Variants in ANKRD30BL observed in about 807,000 individuals in gnomAD.
The protein encoded by ANKRD30BL is putative ankyrin repeat domain-containing protein 30B-like.
A neutral mutation model predicts 18.4 loss-of-function variants in ANKRD30BL; 20 were observed. That is an observed-to-expected ratio of 1.09 (90% confidence interval 0.77 to 1.58). ANKRD30BL has a LOEUF of 1.58. Ranked by LOEUF, ANKRD30BL falls within the 40% of genes most tolerant of loss-of-function variation. The pLI is 0.00. For synonymous variants in ANKRD30BL, 72 were observed against 100.9 expected (o/e 0.71, Z 1.72); for missense variants, 224 against 268.6 (o/e 0.83, Z 1.16).
chr2:132,248,381 A>G (rs1210678497), intron 1 of ANKRD30BL, among the ~76,000 whole-genome samples: 1 of 152,108 alleles, frequency 6.6e-6, no homozygotes, highest in Non-Finnish European at 1.5e-5. Flanking sequence ...ACTCTGTGAG[A>G]TGAATGCAAA....
At chr2:132,232,472 A>G (rs539925644) in intron 1 of ANKRD30BL, among the ~76,000 whole-genome samples, 1 of 152,270 alleles carries the variant, frequency 6.6e-6, no homozygotes, top group South Asian at 2.1e-4. Context: ...AGAATAACCA[A>G]TAGAGAGAAG....
chr2:132,221,614 C>T (rs1349077206), intron 1 of ANKRD30BL, among the ~76,000 whole-genome samples: 10 of 124,788 alleles, frequency 8.0e-5, no homozygotes, highest in South Asian at 2.5e-4. Context: ...GCCCCCCGCC[C>T]GGCCAGCCGC....
intron 1 of ANKRD30BL, among the ~76,000 whole-genome samples, chr2:132,236,152 C>T (rs973513124): frequency 6.6e-5 from 10 of 152,074 alleles, no homozygotes; most frequent in Non-Finnish European, 1.0e-4. Context: ...AAAGCTGAAA[C>T]TGGATCCCTT....
intron 1 of ANKRD30BL, among the ~76,000 whole-genome samples, chr2:132,219,610 G>A (rs1679612899): frequency 6.6e-6 from 1 of 152,048 alleles, no homozygotes; most frequent in Non-Finnish European, 1.5e-5. Flanking sequence ...ATCTTCAAGT[G>A]GAAATTTGGA....
At chr2:132,256,377 G>C (rs185745619) in intron 1 of ANKRD30BL, among the ~76,000 whole-genome samples, 1 of 151,964 alleles carries the variant, frequency 6.6e-6, no homozygotes, top group Non-Finnish European at 1.5e-5. Context: ...ACCCCCCGAC[G>C]GGCTCACCAC....
chr2:132,254,040 C>T (rs987255002), intron 1 of ANKRD30BL, among the ~76,000 whole-genome samples: 6 of 151,844 alleles, frequency 4.0e-5, no homozygotes, highest in Non-Finnish European at 5.9e-5. Flanking sequence ...CCCACCCCAC[C>T]GTGACGCCGA....
chr2:132,152,303 T>C (rs1421419864), intron 4 of ANKRD30BL: 1 of 152,210 alleles, frequency 6.6e-6, no homozygotes, highest in Admixed American at 6.5e-5. Flanking sequence ...ATGCTGATCT[T>C]CTCAACGTTG....
chr2:132,192,939 G>A (rs1468775651), intron 1 of ANKRD30BL, among the ~76,000 whole-genome samples: 1 of 152,202 alleles, frequency 6.6e-6, no homozygotes, highest in Non-Finnish European at 1.5e-5. Flanking sequence ...GTAGTCAGTG[G>A]GTGAATCATC....
intron 1 of ANKRD30BL, among the ~76,000 whole-genome samples, chr2:132,226,863 T>C (rs1679860876): frequency 6.6e-6 from 1 of 152,112 alleles, no homozygotes; most frequent in African/African-American, 2.4e-5. Flanking sequence ...AAAGGAAATA[T>C]CTTCACATAA....
chr2:132,208,946 T>TTG (rs1429806802), intron 1 of ANKRD30BL, among the ~76,000 whole-genome samples: 1 of 152,066 alleles, frequency 6.6e-6, no homozygotes, highest in African/African-American at 2.4e-5. Flanking sequence ...AATACTCTTT[T>TTG]TGTAGTGTCT....
At chr2:132,207,285 A>G (rs1005763096) in intron 1 of ANKRD30BL, among the ~76,000 whole-genome samples, 1 of 151,634 alleles carries the variant, frequency 6.6e-6, no homozygotes, top group African/African-American at 2.4e-5. Flanking sequence ...AATCAATACC[A>G]ATCAGGAGAT....
intron 1 of ANKRD30BL, among the ~76,000 whole-genome samples, chr2:132,204,993 TA>T (rs1377671554): frequency 6.6e-6 from 1 of 152,058 alleles, no homozygotes; most frequent in Non-Finnish European, 1.5e-5. Context: ...TGGGAATGGA[TA>T]AAAGGAGCAC....
intron 1 of ANKRD30BL, among the ~76,000 whole-genome samples, chr2:132,234,308 C>A (rs998295925): frequency 2.0e-5 from 3 of 151,966 alleles, no homozygotes; most frequent in African/African-American, 7.2e-5. Flanking sequence ...CATTCAAAAG[C>A]TAGCAGAAGG....
chr2:132,221,226 C>G (rs533130286), intron 1 of ANKRD30BL, among the ~76,000 whole-genome samples: 1 of 142,772 alleles, frequency 7.0e-6, no homozygotes, highest in Non-Finnish European at 1.5e-5. Context: ...CCAGCCGCCC[C>G]GTCCGGGAGG....
At chr2:132,181,749 A>G (rs1002127414) in intron 1 of ANKRD30BL, among the ~76,000 whole-genome samples, 7 of 152,242 alleles carry the variant, frequency 4.6e-5, no homozygotes, top group Admixed American at 4.6e-4. Context: ...CTATTAAAAT[A>G]ACAAGGGAAA....
chr2:132,161,687 C>G lies in ANKRD30BL; in HGVS notation c.19G>C (p.Ala7Pro), dbSNP rs573267303. 6.3e-5 allele frequency: 91 copies of G among 1,445,642 alleles called. No individual in the cohort carries two copies. In the East Asian group the frequency reaches 2.0e-3, roughly 32 times the overall value. The allele number at this position is 1,445,642 out of a possible 1,614,324, so 89.6% of individuals were successfully genotyped here. MERLSA[A>P]PVKGQTGPER... Reference sequence around the variant, plus strand: ...GGGCCCGTCTGGCCCTTGACAGGGGCGGCAGAGAGCCTCTCCATGGCTGCA... The same window carrying G: ...GGGCCCGTCTGGCCCTTGACAGGGGGGGCAGAGAGCCTCTCCATGGCTGCA... Residue 7 changes from alanine to proline, a missense_variant, in exon 1 of 6, where the codon GCC becomes CCC. Coordinates refer to ENST00000409867, the MANE Select transcript of ANKRD30BL (RefSeq NM_001358416.1).
chr2:132,182,774 T>C (rs1247818898), intron 1 of ANKRD30BL, among the ~76,000 whole-genome samples: 2 of 152,214 alleles, frequency 1.3e-5, no homozygotes, highest in Non-Finnish European at 2.9e-5. Context: ...GTGTTCACTC[T>C]GAAAAATGAA....
chr2:132,158,281 A>C (rs1020744481), intron 1 of ANKRD30BL, among the ~76,000 whole-genome samples: 3 of 152,106 alleles, frequency 2.0e-5, no homozygotes, highest in Non-Finnish European at 4.4e-5. Context: ...GCCAAAGAAA[A>C]CTTGGGATTC....
chr2:132,163,822 C>A (rs1688135874), upstream of ANKRD30BL, among the ~76,000 whole-genome samples: 1 of 152,200 alleles, frequency 6.6e-6, no homozygotes, highest in Non-Finnish European at 1.5e-5. Flanking sequence ...TGAACAAAAA[C>A]CCAAGAATTG....
Sources: gnomAD v4.1 joint callset for allele counts (sites outside exome capture counted in the v4.1 genomes callset) on GRCh38, gnomAD v4.1.1 for gene constraint, MANE v1.5 for transcripts, NCBI Gene and HGNC (gene_info 2026-07-23, HGNC 2026-07-21) for gene names.